The following UVSSA variants were observed in gnomAD, a reference collection of about 807,000 sequenced individuals.
The protein encoded by UVSSA is UV-stimulated scaffold protein A.
Under a neutral mutation model 73.9 loss-of-function variants are expected in UVSSA, and 72 were observed. The ratio of observed to expected loss-of-function variants is 0.97; its 90% CI spans 0.81 to 1.19. The LOEUF (loss-of-function observed/expected upper bound fraction) is 1.19, where lower values mean the gene tolerates loss of function less well. UVSSA is among the 50% of genes most tolerant of loss of function. UVSSA has a pLI of 0.00. For synonymous variants in UVSSA, 454 were observed against 391.3 expected, an observed-to-expected ratio of 1.16 and a Z score of -1.89; for missense variants, 1,150 against 965.0, an observed-to-expected ratio of 1.19 and a Z score of -2.54.
intron 8 of UVSSA, among the ~76,000 whole-genome samples, chr4:1,368,554 C>T (rs1210483737): frequency 6.6e-6 from 1 of 152,232 alleles, no homozygotes; most frequent in Admixed American, 6.5e-5. Flanking sequence ...GTCCTGAGCC[C>T]ATCGACAATA....
Position 1,355,174 on chromosome 4 carries a change from G to A in UVSSA, c.1105G>A (p.Ala369Thr). 1 of 1,613,890 alleles carries A rather than the reference G, an allele frequency of 6.2e-7. No individual in the cohort carries two copies. The highest frequency in any genetic ancestry group is 1.6e-4 in the Middle Eastern group (1 of 6,062). The change falls in exon 7 of 14, where the codon GCT becomes ACT. Residue 369 changes from alanine (A) to threonine (T), a missense_variant. Physicochemically the swap from Ala to Thr is moderately conservative, Grantham distance 58 (BLOSUM62 0). Coordinates refer to ENST00000389851, the MANE Select transcript of UVSSA (RefSeq NM_020894.4). ...GCLKRAIDLKAELELVLRKYK... is the reference protein window; with the variant it reads ...GCLKRAIDLKTELELVLRKYK... ...TTTAAAGCGTGCCATTGACCTGAAGGCTGAATTGGAGCTCGTACTGAGAAA... is the reference window on the plus strand; with the variant it reads ...TTTAAAGCGTGCCATTGACCTGAAGACTGAATTGGAGCTCGTACTGAGAAA...
At chr4:1,377,499 A>G (rs775076305) in intron 10 of UVSSA, among the ~76,000 whole-genome samples, 1 of 152,046 alleles carries the variant, frequency 6.6e-6, no homozygotes, top group Non-Finnish European at 1.5e-5. Context: ...GGGAAGAAAC[A>G]GCTGTCCCTG....
At chr4:1,383,655 G>C in intron 12 of UVSSA, 111 bp from the exon 13 acceptor site, 1 of 1,390,100 alleles carries the variant, frequency 7.2e-7, no homozygotes, top group Non-Finnish European at 9.9e-7. Context: ...CGTGGGCAAG[G>C]CGACCCAGCC....
In UVSSA at chr4:1,347,730, G is replaced by C. The variant is rs980525095; in HGVS notation, c.-33G>C. The C allele has an allele frequency of 4.8e-6, 1 of 207,100 alleles. No individual in the cohort carries two copies. Among genetic ancestry groups the C allele is most frequent in the Non-Finnish European group, 1.0e-5 (1 of 100,478 alleles). 12.8% of individuals were successfully genotyped at this position (207,100 alleles called of 1,614,324 possible). A position where few individuals can be genotyped will look rare whatever the true frequency, so the allele number is the denominator to read the frequency against. ...TTCTTGGCTCCTCTTGGCCTCTGCAGCCTTGCTGGAGGCTGCCCTGCGGAA... is the reference window on the plus strand; with the variant it reads ...TTCTTGGCTCCTCTTGGCCTCTGCACCCTTGCTGGAGGCTGCCCTGCGGAA... On this transcript the variant is annotated 5_prime_UTR_variant, in exon 1 of 14. Coordinates refer to ENST00000389851, the MANE Select transcript of UVSSA (RefSeq NM_020894.4).
chr4:1,376,277 G>A, intron 10 of UVSSA, 109 bp downstream of exon 10: 3 of 1,413,908 alleles, frequency 2.1e-6, no homozygotes, highest in South Asian at 3.0e-5. Flanking sequence ...AGCTGGCCCT[G>A]CCTCCCAGCT....
intron 3 of UVSSA, 25 bp downstream of exon 3, chr4:1,349,879 CAG>C (rs768698987): frequency 2.0e-6 from 3 of 1,505,060 alleles, no homozygotes; most frequent in East Asian, 4.6e-5. Flanking sequence ...CCCATTTTTT[CAG>C]AGACTGGTTA....
At chr4:1,351,684 T>C (rs376850960) in intron 3 of UVSSA, 31 bp from the exon 4 acceptor site, 4 of 1,609,186 alleles carry the variant, frequency 2.5e-6, no homozygotes, top group Admixed American at 1.7e-5. Context: ...CCACCGCGCC[T>C]GTCCCCTAGT....
chr4:1,384,838 G>T (rs757205708), intron 13 of UVSSA: 14 of 152,304 alleles, frequency 9.2e-5, no homozygotes, highest in Non-Finnish European at 1.6e-4. Context: ...GGTGGGAGGC[G>T]CCTTCACAGC....
Position 1,366,445 on chromosome 4 carries a change from C to T in UVSSA, c.1288+14C>T, listed in dbSNP as rs776598359. On this transcript the variant is annotated intron_variant, in intron 8 of 13. Transcript: ENST00000389851. Reference sequence around the variant, plus strand: ...GGCCTGAGTATGGTGAGCAGTGGGTCCCGTGGGGGGGGCACCTGGGTGGAG... The same window carrying T: ...GGCCTGAGTATGGTGAGCAGTGGGTTCCGTGGGGGGGGCACCTGGGTGGAG... The T allele has an allele frequency of 6.3e-7, 1 of 1,589,386 alleles. No homozygotes were observed.
chr4:1,395,159 G>T, exon 14 of UVSSA: 2 of 1,197,094 alleles, frequency 1.7e-6, no homozygotes, highest in Non-Finnish European at 2.3e-6. Flanking sequence ...TGCCCATGTG[G>T]AGTGTTCGCC....
At chr4:1,372,411 C>T (rs553489858) in intron 8 of UVSSA, among the ~76,000 whole-genome samples, 3 of 152,326 alleles carry the variant, frequency 2.0e-5, no homozygotes, top group South Asian at 4.1e-4. Flanking sequence ...CATTTATGTG[C>T]CCCGTTGTTG....
intron 8 of UVSSA, among the ~76,000 whole-genome samples, chr4:1,374,617 G>T (rs527693139): frequency 6.6e-6 from 1 of 152,206 alleles, no homozygotes; most frequent in Admixed American, 6.5e-5. Flanking sequence ...TGCTGGCGGC[G>T]GGGCGGACCC....
Position 1,355,484 on chromosome 4 carries a change from T to C in UVSSA, c.1176+239T>C, listed in dbSNP as rs1366637302. Reference sequence around the variant, plus strand: ...TTGCCCGGCTGCCGTGTATGGTAGCTGAGCAGAAGTGCTGAGTGCTGTGCG... The same window carrying C: ...TTGCCCGGCTGCCGTGTATGGTAGCCGAGCAGAAGTGCTGAGTGCTGTGCG... On this transcript the variant is annotated intron_variant, in intron 7 of 13. Transcript: ENST00000389851. Among the ~76,000 whole-genome samples the C allele has an allele frequency of 2.6e-5, 4 of 152,332 alleles. No homozygotes were observed. In the East Asian group the frequency reaches 7.7e-4, roughly 29 times the overall value.
At chr4:1,362,103 T>G (rs1012157513) in intron 7 of UVSSA, among the ~76,000 whole-genome samples, 2 of 152,206 alleles carry the variant, frequency 1.3e-5, no homozygotes, top group African/African-American at 4.8e-5. Flanking sequence ...ACTGATTGCA[T>G]TGTATATTTT....
rs1233162832 is a variant in UVSSA at position 1,385,880 on chromosome 4, G to A, written c.2049G>A (p.Arg683=). The A allele has an allele frequency of 6.8e-6, 11 of 1,613,988 alleles. No homozygotes were observed. The African/African-American group carries it at 1.2e-4, about 18-fold the overall frequency. The change falls in exon 14 of 14, where the codon CGG becomes CGA. Residue 683 remains arginine (R), a synonymous_variant. Transcript: ENST00000389851. ...TGTTTCCCCACAGGGCAGCTGTGCG[G>A]AGGGTAGTGGCAGCCATGAACCGGA... ...GRKVFAKAAV[R]RVVAAMNRMD... is the part of the protein sequence containing the mutation.
rs1713903236 is a variant in UVSSA, at chr4:1,347,608, A to G, written c.-155A>G. Reference sequence around the variant, plus strand: ...CGGCAGGCCCTCGCCTCATCCCACCAGGCACGCCGCGGTGCTCGGCCCTGG... The same window carrying G: ...CGGCAGGCCCTCGCCTCATCCCACCGGGCACGCCGCGGTGCTCGGCCCTGG... On this transcript the variant is annotated 5_prime_UTR_variant, in exon 1 of 14. Transcript: ENST00000389851. 1 of 153,466 alleles carries G rather than the reference A, an allele frequency of 6.5e-6. No homozygotes were observed. Among genetic ancestry groups the G allele is most frequent in the South Asian group, 1.9e-4 (1 of 5,234 alleles). The allele number at this position is 153,466 out of a possible 1,614,324, so 9.5% of individuals were successfully genotyped here.
chr4:1,351,681 G>A (rs370888278), intron 3 of UVSSA, 34 bp from the exon 4 acceptor site: 20 of 1,607,724 alleles, frequency 1.2e-5, no homozygotes, highest in African/African-American at 8.0e-5. Flanking sequence ...GAGCCACCGC[G>A]CCTGTCCCCT....
chr4:1,361,401 T>C (rs552468115), intron 7 of UVSSA, among the ~76,000 whole-genome samples: 1 of 152,390 alleles, frequency 6.6e-6, no homozygotes, highest in African/African-American at 2.4e-5. Context: ...AGCGTGTTGA[T>C]GAGTGTAGAT....
chr4:1,373,288 G>A (rs1034298452), intron 8 of UVSSA, among the ~76,000 whole-genome samples: 1 of 152,200 alleles, frequency 6.6e-6, no homozygotes, highest in African/African-American at 2.4e-5. Flanking sequence ...TGAAGAACTT[G>A]GAGTCTGATG....
Sources: gnomAD v4.1 joint callset for allele counts (sites outside exome capture counted in the v4.1 genomes callset) on GRCh38, gnomAD v4.1.1 for gene constraint, MANE v1.5 for transcripts, NCBI Gene and HGNC (gene_info 2026-07-23, HGNC 2026-07-21) for gene names.